The following ARHGAP24 variants were observed in gnomAD, a reference collection of about 807,000 sequenced individuals.
ARHGAP24 encodes the protein rho GTPase-activating protein 24.
A neutral mutation model predicts 76.4 loss-of-function variants in ARHGAP24; 50 were observed. The ratio of observed to expected loss-of-function variants is 0.65; its 90% CI spans 0.52 to 0.83. ARHGAP24 has a LOEUF of 0.83. Ranked by LOEUF, ARHGAP24 falls within the 40% of genes least tolerant of loss-of-function variation. The probability of loss-of-function intolerance (pLI) is 0.00; values close to 1 mark genes in which losing one functional copy is unlikely to be tolerated. For synonymous variants in ARHGAP24, 345 were observed against 323.3 expected (o/e 1.07, Z -0.72); for missense variants, 930 against 914.2 (o/e 1.02, Z -0.22).
At chr4:85,769,946 T>G (rs1727073234) in intron 3 of ARHGAP24, among the ~76,000 whole-genome samples, 1 of 152,164 alleles carries the variant, frequency 6.6e-6, no homozygotes, top group Non-Finnish European at 1.5e-5. Flanking sequence ...GAACTTTAAA[T>G]TTTACATGAT....
chr4:85,777,014 G>C (rs929247950), intron 3 of ARHGAP24, among the ~76,000 whole-genome samples: 1 of 152,060 alleles, frequency 6.6e-6, no homozygotes, highest in African/African-American at 2.4e-5. Context: ...CTTTGCATAG[G>C]GCTCAAACAG....
At chr4:85,575,438 T>C (rs887944430) in intron 2 of ARHGAP24, among the ~76,000 whole-genome samples, 2 of 152,202 alleles carry the variant, frequency 1.3e-5, no homozygotes, top group African/African-American at 4.8e-5. Flanking sequence ...TGTATTTACA[T>C]GCAGAGGAAA....
intron 3 of ARHGAP24, among the ~76,000 whole-genome samples, chr4:85,743,826 A>G (rs964003644): frequency 1.3e-5 from 2 of 152,230 alleles, no homozygotes; most frequent in African/African-American, 2.4e-5. Flanking sequence ...TTAATTATAA[A>G]TAAGCAAATC....
intron 3 of ARHGAP24, among the ~76,000 whole-genome samples, chr4:85,749,031 G>C (rs952247042): frequency 5.3e-5 from 8 of 152,118 alleles, no homozygotes; most frequent in Non-Finnish European, 1.2e-4. Flanking sequence ...ATACCGGATG[G>C]CTTTTTCTTA....
intron 6 of ARHGAP24, among the ~76,000 whole-genome samples, chr4:85,974,340 C>T (rs983864399): frequency 2.2e-4 from 33 of 152,074 alleles, no homozygotes; most frequent in Non-Finnish European, 4.1e-4. Context: ...TTACATTATC[C>T]ATTGGCATTT....
chr4:85,505,710 C>G (rs1421570145), intron 1 of ARHGAP24, among the ~76,000 whole-genome samples: 1 of 152,058 alleles, frequency 6.6e-6, no homozygotes, highest in Non-Finnish European at 1.5e-5. Flanking sequence ...TACCGATCTT[C>G]TGAAGTCTAG....
intron 3 of ARHGAP24, among the ~76,000 whole-genome samples, chr4:85,828,515 GTT>G (rs74978126): frequency 2.8e-5 from 4 of 144,266 alleles, no homozygotes; most frequent in African/African-American, 1.0e-4. Flanking sequence ...CTGCGTGTGT[GTT>G]TTTTTTTTTT....
chr4:85,853,689 G>T (rs542359821), intron 3 of ARHGAP24, among the ~76,000 whole-genome samples: 1 of 152,282 alleles, frequency 6.6e-6, no homozygotes, highest in East Asian at 1.9e-4. Flanking sequence ...CACTTTGAGA[G>T]GCCAAGGTGG....
intron 3 of ARHGAP24, among the ~76,000 whole-genome samples, chr4:85,902,312 G>A (rs1483939450): frequency 4.6e-5 from 7 of 152,234 alleles, no homozygotes; most frequent in East Asian, 1.9e-4. Context: ...CAGATAGGGC[G>A]CAGACTAACA....
At chr4:85,973,992 G>A (rs1253950436) in intron 6 of ARHGAP24, among the ~76,000 whole-genome samples, 66 of 148,036 alleles carry the variant, frequency 4.5e-4, no homozygotes, top group Middle Eastern at 7.0e-3. Context: ...ACAGGCGCCC[G>A]CCACCAAGCC....
At chr4:85,935,029 A>G (rs1736553070) in intron 4 of ARHGAP24, among the ~76,000 whole-genome samples, 2 of 152,206 alleles carry the variant, frequency 1.3e-5, no homozygotes, top group South Asian at 2.1e-4. Flanking sequence ...CAGTGTTACT[A>G]TCTATTCCCA....
intron 1 of ARHGAP24, among the ~76,000 whole-genome samples, chr4:85,566,212 G>A (rs1257124123): frequency 6.6e-6 from 1 of 152,162 alleles, no homozygotes; most frequent in Admixed American, 6.5e-5. Flanking sequence ...CAAGGTGATA[G>A]CTCTATTTTG....
chr4:85,911,256 C>G (rs1013533088), intron 3 of ARHGAP24, among the ~76,000 whole-genome samples: 31 of 152,324 alleles, frequency 2.0e-4, no homozygotes, highest in African/African-American at 7.5e-4. Flanking sequence ...GGGGCTCCCA[C>G]TTGTACCGGG....
intron 2 of ARHGAP24, among the ~76,000 whole-genome samples, chr4:85,720,453 C>T (rs1724889250): frequency 6.6e-6 from 1 of 152,088 alleles, no homozygotes; most frequent in African/African-American, 2.4e-5. Context: ...GTGACAGTCA[C>T]TGAGCTGGGG....
At chr4:85,710,810 A>G (rs1724499593) in intron 2 of ARHGAP24, among the ~76,000 whole-genome samples, 1 of 152,098 alleles carries the variant, frequency 6.6e-6, no homozygotes, top group East Asian at 1.9e-4. Context: ...TCAAAAAATA[A>G]CAGGTGCTGA....
chr4:85,680,116 T>C (rs1447287108), intron 2 of ARHGAP24, among the ~76,000 whole-genome samples: 1 of 152,172 alleles, frequency 6.6e-6, no homozygotes, highest in African/African-American at 2.4e-5. Context: ...AACACCGCAG[T>C]TGATATCATC....
chr4:85,596,084 C>T (rs998353958), intron 2 of ARHGAP24, among the ~76,000 whole-genome samples: 2 of 151,538 alleles, frequency 1.3e-5, no homozygotes, highest in African/African-American at 4.8e-5. Flanking sequence ...AATGATTTTT[C>T]TTACCTATCT....
intron 1 of ARHGAP24, among the ~76,000 whole-genome samples, chr4:85,501,649 A>C (rs1042394961): frequency 3.9e-5 from 6 of 151,940 alleles, no homozygotes; most frequent in African/African-American, 1.5e-4. Context: ...AGATTGCAAA[A>C]ATTTTCTCCC....
intron 5 of ARHGAP24, among the ~76,000 whole-genome samples, chr4:85,957,992 C>T (rs1346871811): frequency 3.3e-5 from 5 of 152,212 alleles, no homozygotes; most frequent in Middle Eastern, 3.4e-3. Context: ...CCACTGAAAC[C>T]CAATGGGGTT....
Sources: gnomAD v4.1 joint callset for allele counts (sites outside exome capture counted in the v4.1 genomes callset) on GRCh38, gnomAD v4.1.1 for gene constraint, MANE v1.5 for transcripts, NCBI Gene and HGNC (gene_info 2026-07-23, HGNC 2026-07-21) for gene names.